Variants in VTN observed in about 807,000 individuals in gnomAD.
VTN encodes complement S-protein.
VTN carries 45 observed loss-of-function variants against 55.9 expected under a neutral mutation model. The observed-to-expected ratio is 0.80, with a 90% CI of 0.63 to 1.03. VTN has a LOEUF of 1.03. Among genes scored for constraint, VTN ranks in the 50% least tolerant of loss-of-function variants. VTN has a pLI of 0.00. For synonymous variants in VTN, 238 were observed against 242.3 expected, an observed-to-expected ratio of 0.98 and a Z score of 0.17; for missense variants, 589 against 638.2, an observed-to-expected ratio of 0.92 and a Z score of 0.83.
Position 28,367,289 on chromosome 17 carries a change from G to T in VTN, c.*80C>A. 1 of 961,478 alleles carries T rather than the reference G, an allele frequency of 1.0e-6. No individual in the cohort carries two copies. Among genetic ancestry groups the T allele is most frequent in the South Asian group, 1.7e-5 (1 of 59,620 alleles). 59.6% of individuals were successfully genotyped at this position (961,478 alleles called of 1,614,324 possible). A position where few individuals can be genotyped will look rare whatever the true frequency, so the allele number is the denominator to read the frequency against. ...TCAGAACAATAATTTTAAACTCGGG[G>T]CTAAGGGACCTTTATTGGGCTGGGG... On this transcript the variant is annotated 3_prime_UTR_variant, in exon 8 of 8. Coordinates refer to ENST00000226218, the MANE Select transcript of VTN (RefSeq NM_000638.4).
chr17:28,368,046 C>A lies in VTN; in HGVS notation c.993G>T (p.Gln331His), dbSNP rs1555583326. Reference protein sequence around the residue: ...FWGRTSAGTRQPQFISRDWHG... With the variant: ...FWGRTSAGTRHPQFISRDWHG... Reference sequence around the variant, plus strand: ...GCCAGTCCCGGCTAATGAACTGGGGCTGTCTGGTACCAGCTGTGGCAGGGA... The same window carrying A: ...GCCAGTCCCGGCTAATGAACTGGGGATGTCTGGTACCAGCTGTGGCAGGGA... The change falls in exon 7 of 8, where the codon CAG becomes CAT. Residue 331 changes from glutamine to histidine, a missense_variant. Around this residue, in one of 3 missense-constraint regions of VTN, gnomAD observed 334 missense variants for 328.2 expected, o/e 1.02. Coordinates refer to ENST00000226218, the MANE Select transcript of VTN (RefSeq NM_000638.4). 3.2e-6 allele frequency: 5 copies of A among 1,581,034 alleles called. No individual in the cohort carries two copies. In the Admixed American group the frequency reaches 5.4e-5, roughly 17 times the overall value.
At position 28,367,468 on chromosome 17, in the gene VTN, T is replaced by G. The variant is rs1208169982; in HGVS notation, c.1338A>C (p.Arg446=). 3 of 1,613,278 alleles carry G rather than the reference T, an allele frequency of 1.9e-6. No homozygotes were observed. In the East Asian group the frequency reaches 6.7e-5, roughly 36 times the overall value. Residue 446 remains arginine, a synonymous_variant, in exon 8 of 8, where the codon CGA becomes CGC. Transcript: ENST00000226218. Reference sequence around the variant, plus strand: ...CCACTCGCCGTGTGCGAAGATTGACTCGGTAGTACTTGTCTGGAAGAGAGG... The same window carrying G: ...CCACTCGCCGTGTGCGAAGATTGACGCGGTAGTACTTGTCTGGAAGAGAGG... ...VFFFSGDKYY[R]VNLRTRRVDT...
chr17:28,367,880 G>A lies in VTN; in HGVS notation c.1159C>T (p.Arg387Cys), dbSNP rs781988485. 25 of 1,613,702 alleles carry A rather than the reference G, an allele frequency of 1.5e-5. No individual in the cohort carries two copies. The highest frequency in any genetic ancestry group is 7.7e-5 in the South Asian group (7 of 91,068). The change falls in exon 7 of 8, where the codon CGT becomes TGT. Residue 387 changes from arginine (R) to cysteine (C), a missense_variant. Around this residue, in one of 3 missense-constraint regions of VTN, gnomAD observed 334 missense variants for 328.2 expected, o/e 1.02. Coordinates refer to ENST00000226218, the MANE Select transcript of VTN (RefSeq NM_000638.4). ...KGYRSQRGHS[R>C]GRNQNSRRPS... Reference sequence around the variant, plus strand: ...CGGCGGGAGTTCTGGTTGCGGCCACGGCTGTGGCCTCGTTGTGAACGGTAG... The same window carrying A: ...CGGCGGGAGTTCTGGTTGCGGCCACAGCTGTGGCCTCGTTGTGAACGGTAG...
intron 5 of VTN, 48 bp downstream of exon 5, chr17:28,368,823 TC>T (rs782279865): frequency 9.3e-6 from 15 of 1,612,678 alleles, no homozygotes; most frequent in Non-Finnish European, 1.3e-5. Context: ...GTGAAAGGAA[TC>T]CAAGACTGCT....
At position 28,369,428 on chromosome 17, in the gene VTN, C is replaced by A; in HGVS notation, c.530G>T (p.Gly177Val). ...TTCGTCCAGTTCATAGCAGTACTGCCCTAGAGTGGAGGAGATGGTGTGAGA... is the reference window on the plus strand; with the variant it reads ...TTCGTCCAGTTCATAGCAGTACTGCACTAGAGTGGAGGAGATGGTGTGAGA... ...LKNGSLFAFRGQYCYELDEKA... is the reference protein window; with the variant it reads ...LKNGSLFAFRVQYCYELDEKA... The change falls in exon 4 of 8, where the codon GGG becomes GTG. Residue 177 changes from glycine (G) to valine (V), a missense_variant and splice_region_variant. By Grantham distance (109) the Gly-to-Val change is moderately radical (BLOSUM62 -3). Around this residue, in one of 3 missense-constraint regions of VTN, gnomAD observed 217 missense variants for 241.3 expected, o/e 0.90. Coordinates refer to ENST00000226218, the MANE Select transcript of VTN (RefSeq NM_000638.4). The surrounding 1 kb of genome is among the most constrained non-coding windows in gnomAD (Gnocchi z 5.3). The A allele has an allele frequency of 6.3e-7, 1 of 1,592,926 alleles. No homozygotes were observed. Among genetic ancestry groups the A allele is most frequent in the Non-Finnish European group, 8.6e-7 (1 of 1,166,292 alleles).
rs1433280527 is a variant in VTN, at chr17:28,368,557, C to T, written c.943G>A (p.Asp315Asn). The T allele has an allele frequency of 6.2e-6, 10 of 1,613,940 alleles. No homozygotes were observed. The highest frequency in any genetic ancestry group is 7.6e-6 in the Non-Finnish European group (9 of 1,180,024). The stretch of plus-strand genomic sequence containing the variant: ...CCCCAGAAGAGAAGCTCGAAGATGT[C>T]CTCCCAGCTGTCCCGCTGCATCATG... ...FAMMQRDSWE[D>N]IFELLFWGRT... Residue 315 changes from aspartate to asparagine, a missense_variant, in exon 6 of 8, where the codon GAC (aspartate) becomes AAC (asparagine). Coordinates refer to ENST00000226218, the MANE Select transcript of VTN (RefSeq NM_000638.4).
chr17:28,367,835 G>A lies in VTN; in HGVS notation c.1204C>T (p.Leu402=). The A allele has an allele frequency of 6.2e-7, 1 of 1,614,200 alleles. No individual in the cohort carries two copies. The highest frequency in any genetic ancestry group is 8.5e-7 in the Non-Finnish European group (1 of 1,180,046). Reference sequence around the variant, plus strand: ...CTCTCCTCACTGGAGAACAAGGACAGCCACGTGGCGCGGGATGGCCGGCGG... The same window carrying A: ...CTCTCCTCACTGGAGAACAAGGACAACCACGTGGCGCGGGATGGCCGGCGG... ...NSRRPSRATW[L]SLFSSEESNL... The change falls in exon 7 of 8, where the codon CTG becomes TTG. Residue 402 remains leucine, a synonymous_variant. Coordinates refer to ENST00000226218, the MANE Select transcript of VTN (RefSeq NM_000638.4).
At position 28,369,419 on chromosome 17, in the gene VTN, C is replaced by T. The variant is rs2067934143; in HGVS notation, c.539G>A (p.Cys180Tyr). The part of the protein sequence containing the change: ...GSLFAFRGQY[C>Y]YELDEKAVRP... ...CACTGCCTTTTCGTCCAGTTCATAG[C>T]AGTACTGCCCTAGAGTGGAGGAGAT... Residue 180 changes from cysteine to tyrosine, a missense_variant, in exon 4 of 8, where the codon TGC becomes TAC. Around this residue, in one of 3 missense-constraint regions of VTN, gnomAD observed 217 missense variants for 241.3 expected, o/e 0.90. Coordinates refer to ENST00000226218, the MANE Select transcript of VTN (RefSeq NM_000638.4). The surrounding 1 kb of genome is among the most constrained non-coding windows in gnomAD (Gnocchi z 5.3). 2.5e-6 allele frequency: 4 copies of T among 1,595,734 alleles called. No individual in the cohort carries two copies. Among genetic ancestry groups the T allele is most frequent in the Non-Finnish European group, 3.4e-6 (4 of 1,167,354 alleles).
rs111777670 is a variant in VTN, at chr17:28,367,740, G to T, written c.1299C>A (p.Ile433=). 158 of 1,613,014 alleles carry T rather than the reference G, an allele frequency of 9.8e-5. No individual in the cohort carries two copies. Among genetic ancestry groups the T allele is most frequent in the Non-Finnish European group, 1.3e-4 (149 of 1,179,518 alleles). Reference sequence around the variant, plus strand: ...CTCCAGAGAAGAAGAAGACACTCTGGATGGGTTCACAGGTGGCAGGCACAA... The same window carrying T: ...CTCCAGAGAAGAAGAAGACACTCTGTATGGGTTCACAGGTGGCAGGCACAA... ...DWLVPATCEP[I]QSVFFFSGDK... Residue 433 remains isoleucine (I), a synonymous_variant, in exon 7 of 8, where the codon ATC becomes ATA. Transcript: ENST00000226218.
chr17:28,369,610 A>G lies in VTN; in HGVS notation c.426T>C (p.Leu142=), dbSNP rs782593190. 1 of 1,613,620 alleles carries G rather than the reference A, an allele frequency of 6.2e-7. No homozygotes were observed. Among genetic ancestry groups the G allele is most frequent in the Non-Finnish European group, 8.5e-7 (1 of 1,180,000 alleles). ...PEGIDSRPET[L]HPGRPQPPAE... is the part of the protein sequence containing the mutation. ...CTGGGGGCTGAGGTCTCCCTGGATG[A>G]AGGGTCTCAGGCCTTGAGTCTATCC... Residue 142 remains leucine, a synonymous_variant, in exon 3 of 8, where the codon CTT becomes CTC. Coordinates refer to ENST00000226218, the MANE Select transcript of VTN (RefSeq NM_000638.4). This position sits in a 1 kb window ranked among gnomAD's most constrained non-coding sequence, Gnocchi z 5.3.
At chr17:28,368,379 A>G (rs1251629717) in intron 6 of VTN, 142 bp downstream of exon 6, 2 of 1,229,036 alleles carry the variant, frequency 1.6e-6, no homozygotes, top group Non-Finnish European at 2.3e-6. Flanking sequence ...CAAAAGGTCA[A>G]CAGAAGCAAA....
rs1555583615 is a variant in VTN, at chr17:28,369,494, G to A, written c.529+13C>T. On this transcript the variant is annotated intron_variant, in intron 3 of 7. Coordinates refer to ENST00000226218, the MANE Select transcript of VTN (RefSeq NM_000638.4). This position sits in a 1 kb window ranked among gnomAD's most constrained non-coding sequence, Gnocchi z 5.3. ...GGGCAGACCCGCATCCCCAGTACCT[G>A]CCCTGGATTCACCTCGGAAGGCAAA... is the stretch of plus-strand genomic sequence containing the variant. 7 of 1,599,638 alleles carry A rather than the reference G, an allele frequency of 4.4e-6. No individual in the cohort carries two copies. The South Asian group carries it at 7.8e-5, about 18-fold the overall frequency.
Position 28,369,279 on chromosome 17 carries a change from C to T in VTN, c.669+10G>A, listed in dbSNP as rs1555583549. ...AGATGCTTTCTACCCTGGCCCACAG[C>T]CCCTGGCACCTTGAAGAGGTAGGTC... On this transcript the variant is annotated intron_variant, in intron 4 of 7. Coordinates refer to ENST00000226218, the MANE Select transcript of VTN (RefSeq NM_000638.4). This position sits in a 1 kb window ranked among gnomAD's most constrained non-coding sequence, Gnocchi z 5.3. 1 of 1,573,534 alleles carries T rather than the reference C, an allele frequency of 6.4e-7. No individual in the cohort carries two copies. The highest frequency in any genetic ancestry group is 8.7e-7 in the Non-Finnish European group (1 of 1,155,494).
At chr17:28,367,507 C>G (rs2227727) in intron 7 of VTN, 26 bp from the exon 8 acceptor site, 1 of 1,595,978 alleles carries the variant, frequency 6.3e-7, no homozygotes. Flanking sequence ...GCAGAGGATG[C>G]GTGAGGCCCA....
Position 28,367,855 on chromosome 17 carries a change from C to A in VTN, c.1184G>T (p.Arg395Leu), listed in dbSNP as rs782671103. 7.4e-6 allele frequency: 12 copies of A among 1,614,086 alleles called. No homozygotes were observed. The South Asian group carries it at 1.1e-4, about 15-fold the overall frequency. Residue 395 changes from arginine to leucine, a missense_variant, in exon 7 of 8, where the codon CGG (arginine) becomes CTG (leucine). Transcript: ENST00000226218. The stretch of plus-strand genomic sequence containing the variant: ...GGACAGCCACGTGGCGCGGGATGGC[C>A]GGCGGGAGTTCTGGTTGCGGCCACG... ...HSRGRNQNSR[R>L]PSRATWLSLF...
Position 28,369,390 on chromosome 17 carries a change from G to C in VTN, c.568C>G (p.Pro190Ala). Residue 190 changes from proline (P) to alanine (A), a missense_variant, in exon 4 of 8, where the codon CCT becomes GCT. Pro to Ala is a conservative substitution (Grantham distance 27, BLOSUM62 -1). Around this residue, in one of 3 missense-constraint regions of VTN, gnomAD observed 217 missense variants for 241.3 expected, o/e 0.90. Transcript: ENST00000226218. The surrounding 1 kb of genome is among the most constrained non-coding windows in gnomAD (Gnocchi z 5.3). Reference protein sequence around the residue: ...CYELDEKAVRPGYPKLIRDVW... With the variant: ...CYELDEKAVRAGYPKLIRDVW... ...TCTCGGATGAGCTTGGGGTACCCAGGCCTCACTGCCTTTTCGTCCAGTTCA... is the reference window on the plus strand; with the variant it reads ...TCTCGGATGAGCTTGGGGTACCCAGCCCTCACTGCCTTTTCGTCCAGTTCA... 3.1e-6 allele frequency: 5 copies of C among 1,603,894 alleles called. No individual in the cohort carries two copies. In the South Asian group the frequency reaches 5.5e-5, roughly 18 times the overall value.
chr17:28,368,191 A>C (rs2142414745), intron 6 of VTN, 132 bp from the exon 7 acceptor site: 1 of 821,606 alleles, frequency 1.2e-6, no homozygotes, highest in East Asian at 2.7e-5. Flanking sequence ...CAGGCCTTTG[A>C]CTCTCAGTCC....
chr17:28,369,844 G>A lies in VTN; in HGVS notation c.192C>T (p.Arg64=), dbSNP rs782617667. ...CCTCCGGCATAGTGAACACATCCCC[G>A]CGAGTCACTGCAGAGAGTGGATGGT... ...YTAECKPQVT[R]GDVFTMPEDE... The change falls in exon 3 of 8, where the codon CGC becomes CGT. Residue 64 remains arginine, a synonymous_variant. Coordinates refer to ENST00000226218, the MANE Select transcript of VTN (RefSeq NM_000638.4). This position sits in a 1 kb window ranked among gnomAD's most constrained non-coding sequence, Gnocchi z 5.3. 9.3e-6 allele frequency: 15 copies of A among 1,612,278 alleles called. No individual in the cohort carries two copies. The highest frequency in any genetic ancestry group is 4.5e-5 in the East Asian group (2 of 44,838).
rs1348240392 is a variant in VTN, at chr17:28,367,875, G to A, written c.1164C>T (p.Gly388=). 5 of 1,613,792 alleles carry A rather than the reference G, an allele frequency of 3.1e-6. No homozygotes were observed. Among genetic ancestry groups the A allele is most frequent in the Non-Finnish European group, 4.2e-6 (5 of 1,179,924 alleles). ...GYRSQRGHSR[G]RNQNSRRPSR... ...ATGGCCGGCGGGAGTTCTGGTTGCG[G>A]CCACGGCTGTGGCCTCGTTGTGAAC... Residue 388 remains glycine, a synonymous_variant, in exon 7 of 8, where the codon GGC becomes GGT. Transcript: ENST00000226218.
Sources: gnomAD v4.1 joint callset for allele counts on GRCh38, gnomAD v4.1.1 for gene constraint, gnomAD v4.1.1 regional missense constraint, Gnocchi (gnomAD v3.1) non-coding constraint, MANE v1.5 for transcripts, NCBI Gene and HGNC (gene_info 2026-07-23, HGNC 2026-07-21) for gene names.